RETREG1: variants seen among roughly 807,000 people sequenced by gnomAD.
The protein encoded by RETREG1 is family with sequence similarity 134 member B.
A neutral mutation model predicts 54.8 loss-of-function variants in RETREG1; 44 were observed. That is an observed-to-expected ratio of 0.80 (90% CI 0.63 to 1.03). RETREG1 has a LOEUF of 1.03. Ranked by LOEUF, RETREG1 falls within the 50% of genes least tolerant of loss-of-function variation. The pLI, the probability that RETREG1 is intolerant of heterozygous loss-of-function variation, is 0.00. For missense variants in RETREG1, 554 were observed against 605.1 expected, an observed-to-expected ratio of 0.92 and a Z score of 0.89; for synonymous variants, 217 against 238.5, an observed-to-expected ratio of 0.91 and a Z score of 0.83.
chr5:16,525,674 G>T (rs1301038376), intron 3 of RETREG1, among the ~76,000 whole-genome samples: 1 of 152,080 alleles, frequency 6.6e-6, no homozygotes, highest in African/African-American at 2.4e-5. Context: ...AGCAAAACTG[G>T]GGGATAGAGA....
intron 3 of RETREG1, among the ~76,000 whole-genome samples, chr5:16,531,154 G>A (rs1740905300): frequency 6.6e-6 from 1 of 152,140 alleles, no homozygotes; most frequent in South Asian, 2.1e-4. Context: ...TTGTGTTACT[G>A]TTTTATATAA....
chr5:16,594,559 T>C lies in RETREG1; in HGVS notation c.320+22093A>G, dbSNP rs1422183626. On this transcript the variant is annotated intron_variant, in intron 1 of 8. Coordinates refer to ENST00000306320, the MANE Select transcript of RETREG1 (RefSeq NM_001034850.3). This position sits in a 1 kb window ranked among gnomAD's most constrained non-coding sequence, Gnocchi z 4.4. ...CACCAACATGGCAAAACCCCATCTC[T>C]ACTAAAAATACAAAAATTAGCTGGG... Among the ~76,000 whole-genome samples, 1 of 151,844 alleles carries C rather than the reference T, an allele frequency of 6.6e-6. No individual in the cohort carries two copies. The highest frequency in any genetic ancestry group is 1.5e-5 in the Non-Finnish European group (1 of 67,958).
chr5:16,532,714 G>A (rs1279934336), intron 3 of RETREG1, among the ~76,000 whole-genome samples: 1 of 152,210 alleles, frequency 6.6e-6, no homozygotes, highest in Non-Finnish European at 1.5e-5. Context: ...GGGAAAGCAA[G>A]CTAGGTTCCT....
intron 1 of RETREG1, 97 bp downstream of exon 1, chr5:16,616,555 G>A: frequency 6.6e-7 from 1 of 1,508,602 alleles, no homozygotes; most frequent in South Asian, 1.2e-5. Context: ...TTCCTCCGCA[G>A]TGTCCCGCGG....
At chr5:16,482,689 T>C (rs1234201223) in intron 4 of RETREG1, among the ~76,000 whole-genome samples, 1 of 152,114 alleles carries the variant, frequency 6.6e-6, no homozygotes, top group Non-Finnish European at 1.5e-5. Flanking sequence ...ACAAGGTCTA[T>C]TGATGGTTCT....
At chr5:16,508,041 A>G (rs1740028408) in intron 3 of RETREG1, among the ~76,000 whole-genome samples, 1 of 152,200 alleles carries the variant, frequency 6.6e-6, no homozygotes, top group African/African-American at 2.4e-5. Flanking sequence ...AGAGTTAGAT[A>G]TTAATATAAA....
chr5:16,484,805 G>T (rs987838636), intron 3 of RETREG1, among the ~76,000 whole-genome samples: 9 of 152,020 alleles, frequency 5.9e-5, no homozygotes, highest in African/African-American at 1.9e-4. Flanking sequence ...TAATGCTCTG[G>T]AGAGTCACTG....
chr5:16,484,980 A>G (rs1378833458), intron 3 of RETREG1, among the ~76,000 whole-genome samples: 1 of 152,106 alleles, frequency 6.6e-6, no homozygotes, highest in Non-Finnish European at 1.5e-5. Flanking sequence ...AGGTTTGCAT[A>G]CCCCATGATT....
chr5:16,517,021 C>A (rs13181082), intron 3 of RETREG1, among the ~76,000 whole-genome samples: 49,553 of 150,890 alleles, frequency 0.33, 8,743 homozygotes, highest in African/African-American at 0.38. Context: ...GCAGGGGGAA[C>A]AATACTGAGT....
intron 3 of RETREG1, among the ~76,000 whole-genome samples, chr5:16,504,927 C>T (rs1739889563): frequency 6.6e-6 from 1 of 152,138 alleles, no homozygotes; most frequent in African/African-American, 2.4e-5. Context: ...TAGGCTTTGT[C>T]AACAATGTAA....
At chr5:16,482,149 T>C (rs981736925) in intron 4 of RETREG1, among the ~76,000 whole-genome samples, 4 of 151,940 alleles carry the variant, frequency 2.6e-5, no homozygotes, top group Non-Finnish European at 5.9e-5. Flanking sequence ...GAGCTGTTTC[T>C]AAAACAGCAA....
At chr5:16,569,419 C>G (rs927094063) in intron 2 of RETREG1, among the ~76,000 whole-genome samples, 1 of 151,912 alleles carries the variant, frequency 6.6e-6, no homozygotes, top group Non-Finnish European at 1.5e-5. Flanking sequence ...GGCTCTGCCT[C>G]GACAGAGGTC....
chr5:16,515,648 A>G (rs761527524), intron 3 of RETREG1, among the ~76,000 whole-genome samples: 1 of 152,206 alleles, frequency 6.6e-6, no homozygotes, highest in Non-Finnish European at 1.5e-5. Flanking sequence ...AGCCACTAGA[A>G]TAATGTCACC....
intron 3 of RETREG1, among the ~76,000 whole-genome samples, chr5:16,525,014 G>A (rs1250416730): frequency 6.6e-6 from 1 of 151,778 alleles, no homozygotes; most frequent in East Asian, 1.9e-4. Flanking sequence ...GCAGGTGGAT[G>A]TGCGTGGGGG....
At chr5:16,523,392 T>C (rs186459352) in intron 3 of RETREG1, among the ~76,000 whole-genome samples, 6,093 of 152,136 alleles carry the variant, frequency 0.04, 412 homozygotes, top group African/African-American at 0.14. Context: ...CCTTGACAGA[T>C]CTGAGGAGTG....
chr5:16,566,384 CAT>C (rs56202478), intron 2 of RETREG1, among the ~76,000 whole-genome samples: 62,141 of 151,740 alleles, frequency 0.41, 12,785 homozygotes, highest in Admixed American at 0.44. Context: ...CACACACACA[CAT>C]ATATACATAT....
At chr5:16,545,701 C>A (rs980608753) in intron 3 of RETREG1, among the ~76,000 whole-genome samples, 1 of 152,204 alleles carries the variant, frequency 6.6e-6, no homozygotes. Context: ...TTCCTGGGAA[C>A]GTCTTGGTTC....
chr5:16,552,105 T>A (rs1316140650), intron 3 of RETREG1, among the ~76,000 whole-genome samples: 2 of 152,194 alleles, frequency 1.3e-5, no homozygotes, highest in African/African-American at 4.8e-5. Flanking sequence ...GGTTCTGAGT[T>A]ACGGTATGGA....
rs1741866404 is a variant in RETREG1 at position 16,561,905 on chromosome 5, C to T, written c.458+3858G>A. On this transcript the variant is annotated intron_variant, in intron 3 of 8. Coordinates refer to ENST00000306320, the MANE Select transcript of RETREG1 (RefSeq NM_001034850.3). This position sits in a 1 kb window ranked among gnomAD's most constrained non-coding sequence, Gnocchi z 4.2. Reference sequence around the variant, plus strand: ...ACCCTGAGTCAAAGAGCATGGAGTGCTTTTTCAAATCCACTGAAATTACCC... The same window carrying T: ...ACCCTGAGTCAAAGAGCATGGAGTGTTTTTTCAAATCCACTGAAATTACCC... 6.6e-6 allele frequency among the ~76,000 whole-genome samples: 1 copy of T among 152,174 alleles called. No homozygotes were observed. The highest frequency in any genetic ancestry group is 2.1e-4 in the South Asian group (1 of 4,828).
Sources: allele counts gnomAD v4.1 joint callset (sites outside exome capture counted in the v4.1 genomes callset), GRCh38; gene constraint gnomAD v4.1.1; non-coding constraint Gnocchi (gnomAD v3.1); transcripts MANE v1.5; gene names NCBI Gene and HGNC (gene_info 2026-07-23, HGNC 2026-07-21).